CEP128: variants seen among roughly 807,000 people sequenced by gnomAD.
CEP128 encodes the protein centrosomal protein 128kDa.
In CEP128, 132 loss-of-function variants were observed where a neutral mutation model predicts 156.7. That is an observed-to-expected ratio of 0.84 (90% CI 0.73 to 0.97). CEP128 has a LOEUF of 0.97. Ranked by LOEUF, CEP128 falls within the 50% of genes least tolerant of loss-of-function variation. CEP128 has a pLI of 0.00. For missense variants in CEP128, 1,252 were observed against 1,281.9 expected, an observed-to-expected ratio of 0.98 and a Z score of 0.36; for synonymous variants, 469 against 448.9, an observed-to-expected ratio of 1.04 and a Z score of -0.57.
chr14:80,957,419 A>G (rs991087641), intron 2 of CEP128, among the ~76,000 whole-genome samples: 1 of 151,586 alleles, frequency 6.6e-6, no homozygotes, highest in Admixed American at 6.6e-5. Flanking sequence ...CTGCCATTCA[A>G]CCCCGAATTC....
intron 9 of CEP128, among the ~76,000 whole-genome samples, chr14:80,843,968 T>A (rs926805179): frequency 2.0e-5 from 3 of 151,990 alleles, no homozygotes; most frequent in Admixed American, 2.0e-4. Context: ...TACAGCAGGA[T>A]TTTATTGCTC....
chr14:80,854,723 A>G (rs574578850), intron 9 of CEP128, among the ~76,000 whole-genome samples: 3 of 152,322 alleles, frequency 2.0e-5, no homozygotes, highest in East Asian at 3.9e-4. Context: ...ATATTTAATA[A>G]TGAAATGTTA....
intron 19 of CEP128, among the ~76,000 whole-genome samples, chr14:80,721,854 A>G (rs1206392878): frequency 6.6e-6 from 1 of 152,232 alleles, no homozygotes; most frequent in Non-Finnish European, 1.5e-5. Context: ...GAGCAAAGTG[A>G]TAAGCATAAA....
chr14:80,784,768 T>A lies in CEP128; in HGVS notation c.2211+127A>T, dbSNP rs1468846163. ...GAACAGGCATGAATAAGCCTCTTTA[T>A]TGTTGGTTTTATCTTCCCTTCAGTG... is the stretch of plus-strand genomic sequence containing the variant. On this transcript the variant is annotated intron_variant, in intron 15 of 24. Transcript: ENST00000555265. 5 of 830,898 alleles carry A rather than the reference T, an allele frequency of 6.0e-6. No homozygotes were observed. In the African/African-American group the frequency reaches 8.5e-5, roughly 14 times the overall value. The allele number at this position is 830,898 out of a possible 1,614,324, so 51.5% of individuals were successfully genotyped here.
chr14:80,579,595 A>G (rs1335768734), intron 20 of CEP128, among the ~76,000 whole-genome samples: 1 of 152,088 alleles, frequency 6.6e-6, no homozygotes, highest in East Asian at 1.9e-4. Context: ...AAAGCACTCA[A>G]ACCAGCTCAT....
At chr14:80,831,099 A>G in intron 13 of CEP128, 44 bp downstream of exon 13, 1 of 1,556,832 alleles carries the variant, frequency 6.4e-7, no homozygotes, top group Non-Finnish European at 8.8e-7. Flanking sequence ...TCCATGAGAT[A>G]AAATTAAAAT....
chr14:80,736,509 T>A (rs932956995), intron 19 of CEP128, among the ~76,000 whole-genome samples: 2 of 150,782 alleles, frequency 1.3e-5, no homozygotes, highest in African/African-American at 4.9e-5. Context: ...TATTTCAGAA[T>A]ACACACACAT....
chr14:80,493,828 G>A (rs1347641917), downstream of CEP128, among the ~76,000 whole-genome samples: 1 of 152,194 alleles, frequency 6.6e-6, no homozygotes, highest in East Asian at 1.9e-4. Context: ...GCTATAGCAG[G>A]AGAAGCCAAT....
intron 16 of CEP128, among the ~76,000 whole-genome samples, chr14:80,764,456 G>A (rs1043606944): frequency 3.1e-4 from 46 of 150,642 alleles, no homozygotes; most frequent in Non-Finnish European, 5.9e-5. Context: ...CCGAGATTGC[G>A]CCACTGCAGT....
At chr14:80,717,008 A>G (rs909627049) in intron 19 of CEP128, among the ~76,000 whole-genome samples, 3 of 152,098 alleles carry the variant, frequency 2.0e-5, no homozygotes, top group Non-Finnish European at 2.9e-5. Context: ...CTCATTAGCC[A>G]TTTTACATCT....
At chr14:80,692,776 C>T (rs1237080292) in intron 19 of CEP128, among the ~76,000 whole-genome samples, 1 of 152,158 alleles carries the variant, frequency 6.6e-6, no homozygotes, top group African/African-American at 2.4e-5. Flanking sequence ...CAGCAAGACT[C>T]CACAGTTTTC....
intron 19 of CEP128, among the ~76,000 whole-genome samples, chr14:80,583,389 A>G (rs1002231247): frequency 6.6e-6 from 1 of 151,808 alleles, no homozygotes; most frequent in Non-Finnish European, 1.5e-5. Flanking sequence ...TCTTTTCCAC[A>G]TGATTTCCAT....
chr14:80,770,237 T>A (rs970182700), intron 16 of CEP128, among the ~76,000 whole-genome samples: 2 of 152,180 alleles, frequency 1.3e-5, no homozygotes, highest in African/African-American at 4.8e-5. Flanking sequence ...AAAATCAACC[T>A]CTTTGATTGT....
chr14:80,497,437 T>C lies in CEP128; in HGVS notation c.*42A>G, dbSNP rs1887538028. On this transcript the variant is annotated 3_prime_UTR_variant, in exon 25 of 25. Coordinates refer to ENST00000555265, the MANE Select transcript of CEP128 (RefSeq NM_152446.5). ...GCTGTAAGAATAGAGATGTTATTAT[T>C]TGTAACATACTCATGTAAAATAACA... 2.3e-6 allele frequency: 3 copies of C among 1,307,746 alleles called. No individual in the cohort carries two copies. The highest frequency in any genetic ancestry group is 3.6e-5 in the Admixed American group (2 of 56,212). The allele number at this position is 1,307,746 out of a possible 1,614,324, so 81.0% of individuals were successfully genotyped here.
intron 4 of CEP128, among the ~76,000 whole-genome samples, chr14:80,909,034 A>T (rs2139463809): frequency 1.3e-5 from 2 of 152,194 alleles, no homozygotes; most frequent in Middle Eastern, 6.8e-3. Context: ...GATAACTCTG[A>T]TCCTAGCCTC....
chr14:80,716,033 G>C (rs187670576), intron 19 of CEP128, among the ~76,000 whole-genome samples: 2 of 152,320 alleles, frequency 1.3e-5, no homozygotes, highest in African/African-American at 4.8e-5. Flanking sequence ...TGGAGACAGA[G>C]AGACCAGCAG....
At chr14:80,792,676 G>A (rs983686142) in intron 14 of CEP128, 84 bp downstream of exon 14, 26 of 1,015,898 alleles carry the variant, frequency 2.6e-5, no homozygotes, top group Non-Finnish European at 3.8e-5. Flanking sequence ...GTACAGTATG[G>A]CACTCAAGTG....
At chr14:80,592,706 T>C (rs996387154) in intron 19 of CEP128, among the ~76,000 whole-genome samples, 1 of 152,092 alleles carries the variant, frequency 6.6e-6, no homozygotes, top group Non-Finnish European at 1.5e-5. Context: ...AAAAAGAAAA[T>C]TTCAGGTCAA....
Position 80,651,912 on chromosome 14 carries a change from T to G in CEP128, c.2807-71489A>C, listed in dbSNP as rs151333483. 2.8e-3 allele frequency among the ~76,000 whole-genome samples: 422 copies of G among 151,850 alleles called. 1 individual carries two copies. Among genetic ancestry groups the G allele is most frequent in the African/African-American group, 9.8e-3 (404 of 41,388 alleles). ...TATTCTACTGATTTGGGGTGGAGAG[T>G]TCTGTAGATATCTATTAGGTCTGCT... On this transcript the variant is annotated intron_variant, in intron 19 of 24. Coordinates refer to ENST00000555265, the MANE Select transcript of CEP128 (RefSeq NM_152446.5).
Sources: allele counts gnomAD v4.1 joint callset (sites outside exome capture counted in the v4.1 genomes callset), GRCh38; gene constraint gnomAD v4.1.1; transcripts MANE v1.5; gene names NCBI Gene and HGNC (gene_info 2026-07-23, HGNC 2026-07-21).